Variants in IMPDH1 observed in about 807,000 individuals in gnomAD.
IMPDH1 encodes the protein inosine monophosphate dehydrogenase 1.
In IMPDH1, 41 loss-of-function variants were observed where a neutral mutation model predicts 73.5. The observed-to-expected ratio is 0.56, with a 90% confidence interval of 0.43 to 0.72. The LOEUF (loss-of-function observed/expected upper bound fraction) is 0.72. Among genes scored for constraint, IMPDH1 ranks in the 30% least tolerant of loss-of-function variants. The pLI is 0.00. For missense variants in IMPDH1, 645 were observed against 824.8 expected (o/e 0.78, Z 2.67); for synonymous variants, 318 against 334.3 (o/e 0.95, Z 0.53).
In IMPDH1 at chr7:128,396,987, G is replaced by A. The variant is rs1797964630; in HGVS notation, c.1110C>T (p.Ala370=). The A allele has an allele frequency of 6.2e-7, 1 of 1,614,060 alleles. No homozygotes were observed. Reference sequence around the variant, plus strand: ...ACTTCTGTTTGATGTAATGCACCATGGCGATCTGATACACCGAATTCCCTT... The same window carrying A: ...ACTTCTGTTTGATGTAATGCACCATAGCGATCTGATACACCGAATTCCCTT... ...SSQGNSVYQI[A]MVHYIKQKYP... Residue 370 remains alanine (A), a synonymous_variant, in exon 11 of 17, where the codon GCC becomes GCT. Transcript: ENST00000338791. This position sits in a 1 kb window ranked among gnomAD's most constrained non-coding sequence, Gnocchi z 4.0.
chr7:128,409,637 A>G (rs1419966608), intron 1 of IMPDH1, 119 bp downstream of exon 1: 6 of 1,508,694 alleles, frequency 4.0e-6, no homozygotes, highest in Non-Finnish European at 5.5e-6. Flanking sequence ...AGGCGGTAAT[A>G]GGGGAAGGGT....
chr7:128,406,121 C>T (rs1224411310), intron 3 of IMPDH1, among the ~76,000 whole-genome samples: 1 of 149,756 alleles, frequency 6.7e-6, no homozygotes, highest in African/African-American at 2.4e-5. Context: ...AGGGCTCAGC[C>T]GCGCCGCGCG....
Position 128,396,817 on chromosome 7 carries a change from G to C in IMPDH1, c.1165+115C>G. 7 of 1,133,626 alleles carry C rather than the reference G, an allele frequency of 6.2e-6. No individual in the cohort carries two copies. The highest frequency in any genetic ancestry group is 9.2e-6 in the Non-Finnish European group (7 of 764,612). The allele number at this position is 1,133,626 out of a possible 1,614,324, so 70.2% of individuals were successfully genotyped here. A position where few individuals can be genotyped will look rare whatever the true frequency, so the allele number is the denominator to read the frequency against. On this transcript the variant is annotated intron_variant, in intron 11 of 16. Transcript: ENST00000338791. The surrounding 1 kb of genome is among the most constrained non-coding windows in gnomAD (Gnocchi z 4.0). ...CCCTACAGTGACCAAAGCCCATCAT[G>C]CTCCCTGCCACCCATGCCAGGAGCC...
At position 128,394,695 on chromosome 7, in the gene IMPDH1, TC is replaced by T; in HGVS notation, c.1551-97del. The T allele has an allele frequency of 6.6e-7, 1 of 1,507,130 alleles. No homozygotes were observed. The highest frequency in any genetic ancestry group is 9.1e-7 in the Non-Finnish European group (1 of 1,098,116). The allele number at this position is 1,507,130 out of a possible 1,614,324, so 93.4% of individuals were successfully genotyped here. On this transcript the variant is annotated intron_variant, in intron 14 of 16. Coordinates refer to ENST00000338791, the MANE Select transcript of IMPDH1 (RefSeq NM_000883.4). This position sits in a 1 kb window ranked among gnomAD's most constrained non-coding sequence, Gnocchi z 5.5. Reference sequence around the variant, plus strand: ...AAAAACGGGATACCGCCCAGGAAGGTCCCCCAGGCCACCCCTCACTGGGCTG... The same window carrying T: ...AAAAACGGGATACCGCCCAGGAAGGTCCCCAGGCCACCCCTCACTGGGCTG...
chr7:128,395,109 C>A, intron 13 of IMPDH1, 22 bp downstream of exon 13: 1 of 1,613,990 alleles, frequency 6.2e-7, no homozygotes, highest in Non-Finnish European at 8.5e-7. Context: ...CCTGCCCAAT[C>A]CCCAGCACAT....
chr7:128,401,064 G>T lies in IMPDH1; in HGVS notation c.455C>A (p.Ser152Tyr), dbSNP rs752358102. ...RKITLKTPLISSPMDTVTEAD... is the reference protein window; with the variant it reads ...RKITLKTPLIYSPMDTVTEAD... ...CTCTGTCACAGTGTCCATGGGGGAG[G>T]AGATCAGTGGCGTCTTCAGCGTGAT... The change falls in exon 6 of 17, where the codon TCC becomes TAC. Residue 152 changes from serine to tyrosine, a missense_variant. This residue lies in a region of IMPDH1 where 459 missense variants were observed against 638.2 expected (regional missense o/e 0.72). Coordinates refer to ENST00000338791, the MANE Select transcript of IMPDH1 (RefSeq NM_000883.4). 6.2e-7 allele frequency: 1 copy of T among 1,614,146 alleles called. No homozygotes were observed. Among genetic ancestry groups the T allele is most frequent in the Non-Finnish European group, 8.5e-7 (1 of 1,180,038 alleles).
chr7:128,395,174 G>T lies in IMPDH1; in HGVS notation c.1362C>A (p.Thr454=), dbSNP rs62481098. The change falls in exon 13 of 17, where the codon ACC becomes ACA. Residue 454 remains threonine (T), a synonymous_variant. Transcript: ENST00000338791. The stretch of plus-strand genomic sequence containing the variant: ...CCAGGGCCTTGACCACGTGTCCCAC[G>T]GTCTGGATGCCGCCATCGGCTATGA... ...VPIIADGGIQ[T]VGHVVKALAL... The T allele has an allele frequency of 2.5e-5, 41 of 1,613,908 alleles. 1 individual carries two copies. The highest frequency in any genetic ancestry group is 3.2e-5 in the Non-Finnish European group (38 of 1,180,058).
intron 16 of IMPDH1, chr7:128,393,781 G>A (rs1797705664): frequency 4.0e-6 from 1 of 252,500 alleles, no homozygotes; most frequent in South Asian, 4.9e-5. Flanking sequence ...TTAGACGCCC[G>A]CTGATACCTG....
At chr7:128,400,050 A>C (rs1798205440) in intron 9 of IMPDH1, 45 bp downstream of exon 9, 1 of 1,396,500 alleles carries the variant, frequency 7.2e-7, no homozygotes, top group Non-Finnish European at 1.0e-6. Context: ...GACTGTGGAC[A>C]GGGAGTCAGG....
intron 5 of IMPDH1, among the ~76,000 whole-genome samples, chr7:128,402,916 C>T (rs1798439682): frequency 6.6e-6 from 1 of 152,202 alleles, no homozygotes; most frequent in Non-Finnish European, 1.5e-5. Context: ...CTTTTAAACC[C>T]TCTTGCCAGT....
In IMPDH1 at chr7:128,395,641, C is replaced by T. The variant is rs561660471; in HGVS notation, c.1262-367G>A. 7.9e-5 allele frequency among the ~76,000 whole-genome samples: 12 copies of T among 152,340 alleles called. No homozygotes were observed. The East Asian group carries it at 2.3e-3, about 29-fold the overall frequency. ...TACCAGGGTTAGGTACTATGGTCCC[C>T]TTTGGGATACTGGTTTGCATTTCTT... On this transcript the variant is annotated intron_variant, in intron 12 of 16. Transcript: ENST00000338791.
intron 9 of IMPDH1, among the ~76,000 whole-genome samples, chr7:128,399,782 T>C (rs1798187317): frequency 6.6e-6 from 1 of 152,234 alleles, no homozygotes; most frequent in Admixed American, 6.5e-5. Flanking sequence ...TGAGAGCCTT[T>C]AATAAGTGAA....
Position 128,392,800 on chromosome 7 carries a change from G to A in IMPDH1, c.*207C>T. 1 of 575,046 alleles carries A rather than the reference G, an allele frequency of 1.7e-6. No individual in the cohort carries two copies. The highest frequency in any genetic ancestry group is 3.1e-6 in the Non-Finnish European group (1 of 321,982). The allele number at this position is 575,046 out of a possible 1,614,324, so 35.6% of individuals were successfully genotyped here. ...GGCTCGGAGGGGGGCTCCCAGGGCA[G>A]CCTGGCCCCGGGAGCAGTCCTGACT... is the stretch of plus-strand genomic sequence containing the variant. On this transcript the variant is annotated 3_prime_UTR_variant, in exon 17 of 17. Coordinates refer to ENST00000338791, the MANE Select transcript of IMPDH1 (RefSeq NM_000883.4).
At position 128,393,006 on chromosome 7, in the gene IMPDH1, C is replaced by T; in HGVS notation, c.*1G>A. 6.2e-7 allele frequency: 1 copy of T among 1,613,878 alleles called. No individual in the cohort carries two copies. Among genetic ancestry groups the T allele is most frequent in the Non-Finnish European group, 8.5e-7 (1 of 1,179,844 alleles). On this transcript the variant is annotated 3_prime_UTR_variant, in exon 17 of 17. Coordinates refer to ENST00000338791, the MANE Select transcript of IMPDH1 (RefSeq NM_000883.4). ...CACCACCTCGGCCTCCACCGCTGTC[C>T]TCAGTACAGCCGCTTTTCGTAACTG...
Position 128,401,086 on chromosome 7 carries a change from T to A in IMPDH1, c.433A>T (p.Thr145Ser). 1 of 1,614,014 alleles carries A rather than the reference T, an allele frequency of 6.2e-7. No homozygotes were observed. The highest frequency in any genetic ancestry group is 1.1e-5 in the South Asian group (1 of 91,078). The part of the protein sequence containing the change: ...DLTSALTRKI[T>S]LKTPLISSPM... ...GAGGAGATCAGTGGCGTCTTCAGCGTGATCTTCCGGGTCAGGGCTGAGGTC... is the reference window on the plus strand; with the variant it reads ...GAGGAGATCAGTGGCGTCTTCAGCGAGATCTTCCGGGTCAGGGCTGAGGTC... The change falls in exon 6 of 17, where the codon ACG becomes TCG. Residue 145 changes from threonine to serine, a missense_variant. By Grantham distance (58) the Thr-to-Ser change is moderately conservative. This residue lies in a region of IMPDH1 where 459 missense variants were observed against 638.2 expected (regional missense o/e 0.72). Coordinates refer to ENST00000338791, the MANE Select transcript of IMPDH1 (RefSeq NM_000883.4).
At chr7:128,395,366 T>G in intron 12 of IMPDH1, 92 bp from the exon 13 acceptor site, 23 of 1,413,214 alleles carry the variant, frequency 1.6e-5, no homozygotes, top group Non-Finnish European at 2.0e-5. Context: ...TCCTGTGCAC[T>G]ACCTCTACTC....
At chr7:128,409,581 C>T (rs1055257996) in intron 1 of IMPDH1, 97 bp from the exon 2 acceptor site, 1 of 1,536,438 alleles carries the variant, frequency 6.5e-7, no homozygotes. Flanking sequence ...CGTCTGCATC[C>T]CCCAACCAAA....
intron 3 of IMPDH1, 73 bp downstream of exon 3, chr7:128,409,216 G>T: frequency 7.3e-7 from 1 of 1,365,026 alleles, no homozygotes; most frequent in Non-Finnish European, 1.0e-6. Context: ...CGTCTTCGGA[G>T]AGACCTTGAG....
chr7:128,400,184 T>C lies in IMPDH1; in HGVS notation c.787-2A>G. 1 of 1,614,064 alleles carries C rather than the reference T, an allele frequency of 6.2e-7. No individual in the cohort carries two copies. The highest frequency in any genetic ancestry group is 8.5e-7 in the Non-Finnish European group (1 of 1,179,982). ...CAGTTCAATCCTTGGCGTCATCACCTGTGGGGCCAGGAACATTTGCCTGCA... is the reference window on the plus strand; with the variant it reads ...CAGTTCAATCCTTGGCGTCATCACCCGTGGGGCCAGGAACATTTGCCTGCA... On this transcript the variant is annotated splice_acceptor_variant, in intron 8 of 16. Coordinates refer to ENST00000338791, the MANE Select transcript of IMPDH1 (RefSeq NM_000883.4). LOFTEE classifies it high-confidence loss of function.
Sources: gnomAD v4.1 joint callset for allele counts (sites outside exome capture counted in the v4.1 genomes callset) on GRCh38, gnomAD v4.1.1 for gene constraint, gnomAD v4.1.1 regional missense constraint, Gnocchi (gnomAD v3.1) non-coding constraint, MANE v1.5 for transcripts, NCBI Gene and HGNC (gene_info 2026-07-23, HGNC 2026-07-21) for gene names.